IGSF10: variants seen among roughly 807,000 people sequenced by gnomAD.
IGSF10 encodes the protein immunoglobulin superfamily member 10, also known as calvaria mechanical force protein 608.
In IGSF10, 126 loss-of-function variants were observed where a neutral mutation model predicts 128.2. The ratio of observed to expected loss-of-function variants is 0.98; its 90% CI spans 0.85 to 1.14. The LOEUF (loss-of-function observed/expected upper bound fraction) is 1.14. IGSF10 is among the 50% of genes most tolerant of loss of function. The probability of loss-of-function intolerance (pLI) is 0.00; values close to 1 mark genes in which losing one functional copy is unlikely to be tolerated. For synonymous variants in IGSF10, 1,185 were observed against 1,146.2 expected, an observed-to-expected ratio of 1.03 and a Z score of -0.68; for missense variants, 3,295 against 3,149.8, an observed-to-expected ratio of 1.05 and a Z score of -1.10.
chr3:151,472,376 G>A, the IGSF10 span, among the ~76,000 whole-genome samples: 827 of 152,082 alleles, frequency 5.4e-3, 7 homozygotes, highest in African/African-American at 0.018. Flanking sequence ...TTCCTTTTTT[G>A]GGGGATCCCT....
At chr3:151,521,994 C>G in the IGSF10 span, among the ~76,000 whole-genome samples, 1 of 151,792 alleles carries the variant, frequency 6.6e-6, no homozygotes. Flanking sequence ...CAAATAAACA[C>G]AATTAGAAAT....
At chr3:151,498,318 G>T in the IGSF10 span, among the ~76,000 whole-genome samples, 2 of 152,120 alleles carry the variant, frequency 1.3e-5, no homozygotes, top group African/African-American at 4.8e-5. Flanking sequence ...GTCATAGATA[G>T]CTCTCATTAT....
Position 151,437,931 on chromosome 3 carries a change from C to T in IGSF10, c.6630G>A (p.Glu2210=), listed in dbSNP as rs201112617. 3 of 1,614,104 alleles carry T rather than the reference C, an allele frequency of 1.9e-6. No individual in the cohort carries two copies. Among genetic ancestry groups the T allele is most frequent in the Non-Finnish European group, 2.5e-6 (3 of 1,180,042 alleles). The change falls in exon 8 of 8, where the codon GAG becomes GAA. Residue 2210 remains glutamate (E), a synonymous_variant. Coordinates refer to ENST00000282466, the MANE Select transcript of IGSF10 (RefSeq NM_178822.5). The part of the protein sequence containing the change: ...INKVKLLDSG[E]YVCVARNPSG... ...TGGGATTTCGGGCTACACATACGTA[C>T]TCTCCAGAATCGAGCAGTTTCACTT...
chr3:151,458,971 A>G (rs1721932481), intron 2 of IGSF10, among the ~76,000 whole-genome samples: 1 of 152,248 alleles, frequency 6.6e-6, no homozygotes, highest in Admixed American at 6.5e-5. Flanking sequence ...GAAAACCAGC[A>G]ATCCCTATTA....
chr3:151,439,797 C>T (rs550344806), intron 7 of IGSF10, among the ~76,000 whole-genome samples: 15 of 152,266 alleles, frequency 9.9e-5, no homozygotes, highest in Middle Eastern at 3.4e-3. Flanking sequence ...AATTTAACCA[C>T]CAGATGGCAG....
the IGSF10 span, among the ~76,000 whole-genome samples, chr3:151,577,744 T>A: frequency 7.2e-5 from 11 of 152,094 alleles, no homozygotes; most frequent in Admixed American, 6.6e-4. Context: ...ATATAGTAAC[T>A]TTTCTTGAAT....
At chr3:151,562,582 C>G in the IGSF10 span, among the ~76,000 whole-genome samples, 1 of 152,210 alleles carries the variant, frequency 6.6e-6, no homozygotes, top group Non-Finnish European at 1.5e-5. Flanking sequence ...TAAAGATCAC[C>G]TGGTCAAACC....
the IGSF10 span, among the ~76,000 whole-genome samples, chr3:151,591,621 A>G: frequency 1.3e-5 from 2 of 151,910 alleles, no homozygotes; most frequent in African/African-American, 4.8e-5. Flanking sequence ...CTACACCTGG[A>G]TAAGAAGAAT....
intron 5 of IGSF10, among the ~76,000 whole-genome samples, chr3:151,451,279 C>T (rs559444601): frequency 6.6e-6 from 1 of 151,962 alleles, no homozygotes; most frequent in East Asian, 1.9e-4. Context: ...TACCAATCAT[C>T]CTTCAGAACC....
In IGSF10 at chr3:151,446,859, G is replaced by A; in HGVS notation, c.3122C>T (p.Ser1041Leu). 2 of 1,614,152 alleles carry A rather than the reference G, an allele frequency of 1.2e-6. No individual in the cohort carries two copies. Among genetic ancestry groups the A allele is most frequent in the Non-Finnish European group, 8.5e-7 (1 of 1,180,028 alleles). The change falls in exon 6 of 8, where the codon TCA becomes TTA. Residue 1041 changes from serine (S) to leucine (L), a missense_variant. By Grantham distance (145) the Ser-to-Leu change is moderately radical (BLOSUM62 -2). Coordinates refer to ENST00000282466, the MANE Select transcript of IGSF10 (RefSeq NM_178822.5). ...TTTTTCAGAAGAACCTCTGGTTGTT[G>A]ACCTGAAAATGCTGTATCTATGCCG... ...LRRHRYSIFR[S>L]TTRGSSEKST... is the part of the protein sequence containing the mutation.
At position 151,436,446 on chromosome 3, in the gene IGSF10, T is replaced by C. The variant is rs1720225510; in HGVS notation, c.*243A>G. On this transcript the variant is annotated 3_prime_UTR_variant, in exon 8 of 8. Coordinates refer to ENST00000282466, the MANE Select transcript of IGSF10 (RefSeq NM_178822.5). ...ATAGTGAACCGTTTCAATGTTTGTT[T>C]ATTGTTATTTGTTGGCAAAATAAAA... 7.9e-6 allele frequency: 3 copies of C among 379,018 alleles called. No homozygotes were observed. The South Asian group carries it at 1.3e-4, about 16-fold the overall frequency. 23.5% of individuals were successfully genotyped at this position (379,018 alleles called of 1,614,324 possible).
chr3:151,437,215 G>A lies in IGSF10; in HGVS notation c.7346C>T (p.Ser2449Phe), dbSNP rs751194629. ...ATCAGACACACAATGCAGTGATAGA[G>A]ATTCTCCACTGATGCCTTTTACTGT... ...PGTVKGISGE[S>F]LSLHCVSDGI... The change falls in exon 8 of 8, where the codon TCT becomes TTT. Residue 2449 changes from serine (S) to phenylalanine (F), a missense_variant. Transcript: ENST00000282466. 1.2e-5 allele frequency: 20 copies of A among 1,613,954 alleles called. No individual in the cohort carries two copies. The South Asian group carries it at 2.0e-4, about 16-fold the overall frequency.
intron 4 of IGSF10, among the ~76,000 whole-genome samples, chr3:151,456,006 G>C (rs1341522346): frequency 1.3e-5 from 2 of 152,170 alleles, no homozygotes; most frequent in Non-Finnish European, 2.9e-5. Context: ...CAACATAGAA[G>C]AGCTTTGCCC....
At chr3:151,433,785 G>GTTTA (rs753139249), downstream of IGSF10, 27 of 152,688 alleles carry the variant, frequency 1.8e-4, no homozygotes, top group Non-Finnish European at 3.8e-4. Flanking sequence ...TGTATTTGCT[G>GTTTA]TTTATTTTGT....
At chr3:151,494,853 T>G in the IGSF10 span, among the ~76,000 whole-genome samples, 1 of 152,148 alleles carries the variant, frequency 6.6e-6, no homozygotes, top group Non-Finnish European at 1.5e-5. Flanking sequence ...AATTGTATTT[T>G]AAGGCAGTGC....
At chr3:151,525,923 A>G in the IGSF10 span, among the ~76,000 whole-genome samples, 3 of 152,288 alleles carry the variant, frequency 2.0e-5, no homozygotes, top group South Asian at 6.2e-4. Context: ...GAAGTTCATC[A>G]TAGTCAATTC....
chr3:151,572,686 A>C, the IGSF10 span, among the ~76,000 whole-genome samples: 7 of 152,076 alleles, frequency 4.6e-5, no homozygotes, highest in South Asian at 1.2e-3. Flanking sequence ...GATTCATTAA[A>C]TTTTTGAAGG....
chr3:151,575,451 C>T, the IGSF10 span, among the ~76,000 whole-genome samples: 1 of 152,188 alleles, frequency 6.6e-6, no homozygotes, highest in Non-Finnish European at 1.5e-5. Flanking sequence ...CTCCCCCAGC[C>T]TGGCTGCTGC....
At chr3:151,511,790 C>CA in the IGSF10 span, among the ~76,000 whole-genome samples, 14 of 149,770 alleles carry the variant, frequency 9.3e-5, no homozygotes, top group Admixed American at 4.0e-4. Context: ...AAATGGAAAA[C>CA]AAAAAAAAGG....
Sources: gnomAD v4.1 joint callset for allele counts (sites outside exome capture counted in the v4.1 genomes callset) on GRCh38, gnomAD v4.1.1 for gene constraint, MANE v1.5 for transcripts, NCBI Gene and HGNC (gene_info 2026-07-23, HGNC 2026-07-21) for gene names.